The following SLFN5 variants were observed in gnomAD, a reference collection of about 807,000 sequenced individuals.
SLFN5 encodes schlafen family member 5.
Under a neutral mutation model 48.5 loss-of-function variants are expected in SLFN5, and 34 were observed. The observed-to-expected ratio is 0.70, with a 90% confidence interval of 0.53 to 0.93. SLFN5 has a LOEUF of 0.93. Ranked by LOEUF, SLFN5 falls within the 40% of genes least tolerant of loss-of-function variation. The pLI, the probability that SLFN5 is intolerant of heterozygous loss-of-function variation, is 0.00. For synonymous variants in SLFN5, 387 were observed against 396.2 expected (o/e 0.98, Z 0.28); for missense variants, 1,006 against 1,071.3 (o/e 0.94, Z 0.85).
rs1461687097 is a variant in SLFN5, at chr17:35,265,064, T to G, written c.1860-8T>G. 6.2e-7 allele frequency: 1 copy of G among 1,601,834 alleles called. No homozygotes were observed. The highest frequency in any genetic ancestry group is 2.2e-5 in the East Asian group (1 of 44,838). On this transcript the variant is annotated splice_polypyrimidine_tract_variant and splice_region_variant and intron_variant, in intron 4 of 4. Transcript: ENST00000299977. The stretch of plus-strand genomic sequence containing the variant: ...CATTGGGGAAAAACCTGACTCTGTT[T>G]CTTACAGTTTCAGCAAGAAAAACAT...
At chr17:35,253,712 TTTTG>T (rs2092448280) in intron 1 of SLFN5, among the ~76,000 whole-genome samples, 1 of 100,288 alleles carries the variant, frequency 1.0e-5, no homozygotes, top group African/African-American at 3.4e-5. Flanking sequence ...TTTTTTTTTT[TTTTG>T]AGATGGAGTC....
At position 35,271,055 on chromosome 17, in the gene SLFN5, T is replaced by A. The variant is rs1904818841; in HGVS notation, c.*5167T>A. 6.6e-6 allele frequency: 1 copy of A among 152,208 alleles called. No individual in the cohort carries two copies. The highest frequency in any genetic ancestry group is 2.4e-5 in the African/African-American group (1 of 41,462). 9.4% of individuals were successfully genotyped at this position (152,208 alleles called of 1,614,324 possible). ...ACTATTTCACTAGCAAGGGTAGACG[T>A]AAGCAGAATACAGGTAGCATATTCA... On this transcript the variant is annotated 3_prime_UTR_variant, in exon 5 of 5. Transcript: ENST00000299977.
chr17:35,258,171 A>G (rs1455954979), intron 1 of SLFN5, among the ~76,000 whole-genome samples: 1 of 152,188 alleles, frequency 6.6e-6, no homozygotes, highest in Non-Finnish European at 1.5e-5. Context: ...TCTGACCTCA[A>G]GCTATGTGGG....
Position 35,261,171 on chromosome 17 carries a change from T to G in SLFN5, c.1138+75T>G. The G allele has an allele frequency of 2.0e-6, 3 of 1,518,014 alleles. No individual in the cohort carries two copies. The East Asian group carries it at 6.9e-5, about 35-fold the overall frequency. The allele number at this position is 1,518,014 out of a possible 1,614,324, so 94.0% of individuals were successfully genotyped here. A position where few individuals can be genotyped will look rare whatever the true frequency, so the allele number is the denominator to read the frequency against. Reference sequence around the variant, plus strand: ...ATAAAAAATTGACTCCTACTTTATATTATATACAGAATCAATTCCAGAGGT... The same window carrying G: ...ATAAAAAATTGACTCCTACTTTATAGTATATACAGAATCAATTCCAGAGGT... On this transcript the variant is annotated intron_variant, in intron 3 of 4. Coordinates refer to ENST00000299977, the MANE Select transcript of SLFN5 (RefSeq NM_144975.4).
rs370813422 is a variant in SLFN5, at chr17:35,266,129, G to T, written c.*241G>T. ...AAGGGATATCAGTAATTAGAGGACC[G>T]TGAGACTCAGAGATGTGTGTGTGTG... On this transcript the variant is annotated 3_prime_UTR_variant, in exon 5 of 5. Transcript: ENST00000299977. 2.9e-5 allele frequency: 14 copies of T among 481,508 alleles called. No homozygotes were observed. Among genetic ancestry groups the T allele is most frequent in the African/African-American group, 2.6e-4 (13 of 50,900 alleles). 29.8% of individuals were successfully genotyped at this position (481,508 alleles called of 1,614,324 possible). A position where few individuals can be genotyped will look rare whatever the true frequency, so the allele number is the denominator to read the frequency against.
intron 1 of SLFN5, among the ~76,000 whole-genome samples, chr17:35,254,448 C>T (rs1421323491): frequency 6.6e-6 from 1 of 152,164 alleles, no homozygotes; most frequent in Admixed American, 6.5e-5. Context: ...TTCCTGCATC[C>T]ACTTTTTTGA....
At position 35,243,084 on chromosome 17, in the gene SLFN5, C is replaced by T. The variant is rs1044900020; in HGVS notation, c.-100C>T. 10 of 152,298 alleles carry T rather than the reference C, an allele frequency of 6.6e-5. No homozygotes were observed. The highest frequency in any genetic ancestry group is 2.4e-4 in the African/African-American group (10 of 41,470). 9.4% of individuals were successfully genotyped at this position (152,298 alleles called of 1,614,324 possible). A position where few individuals can be genotyped will look rare whatever the true frequency, so the allele number is the denominator to read the frequency against. ...GCCGGGTCAGGTTCTCTGCTCTGGA[C>T]TTGGGAGGCTCCGTTGCCTGCTCCC... is the stretch of plus-strand genomic sequence containing the variant. On this transcript the variant is annotated 5_prime_UTR_variant, in exon 1 of 5. Coordinates refer to ENST00000299977, the MANE Select transcript of SLFN5 (RefSeq NM_144975.4).
At chr17:35,251,652 C>T (rs758288847) in intron 1 of SLFN5, among the ~76,000 whole-genome samples, 18 of 151,324 alleles carry the variant, frequency 1.2e-4, no homozygotes, top group Non-Finnish European at 2.4e-4. Context: ...GATCTGCCAG[C>T]CTCGGCCTCC....
At chr17:35,254,622 A>G (rs970737374) in intron 1 of SLFN5, among the ~76,000 whole-genome samples, 5 of 152,236 alleles carry the variant, frequency 3.3e-5, no homozygotes, top group Non-Finnish European at 5.9e-5. Flanking sequence ...AGCAATGCCC[A>G]GCATCCATTA....
rs571728788 is a variant in SLFN5, at chr17:35,267,991, A to G, written c.*2103A>G. 2.6e-5 allele frequency: 4 copies of G among 152,316 alleles called. No individual in the cohort carries two copies. In the East Asian group the frequency reaches 7.7e-4, roughly 29 times the overall value. 9.4% of individuals were successfully genotyped at this position (152,316 alleles called of 1,614,324 possible). ...CAGGAGGGATTTTCCAGGATTTCAC[A>G]TGAATTCAATGAAGGGGGCTGTGTC... On this transcript the variant is annotated 3_prime_UTR_variant, in exon 5 of 5. Coordinates refer to ENST00000299977, the MANE Select transcript of SLFN5 (RefSeq NM_144975.4).
intron 1 of SLFN5, among the ~76,000 whole-genome samples, chr17:35,246,408 T>C (rs1484818294): frequency 6.6e-6 from 1 of 152,160 alleles, no homozygotes; most frequent in Non-Finnish European, 1.5e-5. Flanking sequence ...ATCACCTAGG[T>C]ATTAAGCCCA....
chr17:35,265,988 T>A lies in SLFN5; in HGVS notation c.*100T>A. 1 of 1,278,840 alleles carries A rather than the reference T, an allele frequency of 7.8e-7. No homozygotes were observed. The highest frequency in any genetic ancestry group is 1.5e-5 in the South Asian group (1 of 65,290). 79.2% of individuals were successfully genotyped at this position (1,278,840 alleles called of 1,614,324 possible). On this transcript the variant is annotated 3_prime_UTR_variant, in exon 5 of 5. Coordinates refer to ENST00000299977, the MANE Select transcript of SLFN5 (RefSeq NM_144975.4). ...TGTAAGCACACACTCACTTATTAAG[T>A]CACATACTTTTCTAGGTGCTGGGGA...
intron 1 of SLFN5, among the ~76,000 whole-genome samples, chr17:35,243,383 G>A (rs1445480548): frequency 1.3e-5 from 2 of 152,250 alleles, no homozygotes; most frequent in African/African-American, 4.8e-5. Flanking sequence ...CGCGGGGCGA[G>A]CTGGGGAGGA....
rs564017363 is a variant in SLFN5, at chr17:35,266,819, A to C, written c.*931A>C. 1 of 152,370 alleles carries C rather than the reference A, an allele frequency of 6.6e-6. No homozygotes were observed. Among genetic ancestry groups the C allele is most frequent in the East Asian group, 1.9e-4 (1 of 5,194 alleles). The allele number at this position is 152,370 out of a possible 1,614,324, so 9.4% of individuals were successfully genotyped here. On this transcript the variant is annotated 3_prime_UTR_variant, in exon 5 of 5. Coordinates refer to ENST00000299977, the MANE Select transcript of SLFN5 (RefSeq NM_144975.4). ...CTGCTGAGTCTTCAGGATGTTAGCTAGTCTTTCAAAAGCCATTGCTACAAA... is the reference window on the plus strand; with the variant it reads ...CTGCTGAGTCTTCAGGATGTTAGCTCGTCTTTCAAAAGCCATTGCTACAAA...
At chr17:35,261,528 C>A (rs1341868779) in intron 3 of SLFN5, among the ~76,000 whole-genome samples, 2 of 152,052 alleles carry the variant, frequency 1.3e-5, no homozygotes, top group African/African-American at 4.8e-5. Flanking sequence ...CTCTACTATG[C>A]CAGGCTAATT....
chr17:35,265,162 C>T lies in SLFN5; in HGVS notation c.1950C>T (p.Asp650=), dbSNP rs375910998. Residue 650 remains aspartate (D), a synonymous_variant, in exon 5 of 5, where the codon GAC becomes GAT. Coordinates refer to ENST00000299977, the MANE Select transcript of SLFN5 (RefSeq NM_144975.4). ...FEHIQHIIID[D]AQNFRTEDGD... is the part of the protein sequence containing the mutation. ...ACATCCAGCACATTATCATTGATGACGCTCAGAATTTCCGTACTGAAGATG... is the reference window on the plus strand; with the variant it reads ...ACATCCAGCACATTATCATTGATGATGCTCAGAATTTCCGTACTGAAGATG... 6.8e-5 allele frequency: 110 copies of T among 1,614,154 alleles called. No homozygotes were observed. The Middle Eastern group carries it at 1.8e-3, about 27-fold the overall frequency.
In SLFN5 at chr17:35,269,685, T is replaced by C. The variant is rs958833378; in HGVS notation, c.*3797T>C. 6.6e-6 allele frequency: 1 copy of C among 152,194 alleles called. No homozygotes were observed. 9.4% of individuals were successfully genotyped at this position (152,194 alleles called of 1,614,324 possible). Reference sequence around the variant, plus strand: ...AATTACAGTGAGAGAGTTGCACTTATTTAGTTTGCATACCGTACTCAACTC... The same window carrying C: ...AATTACAGTGAGAGAGTTGCACTTACTTAGTTTGCATACCGTACTCAACTC... On this transcript the variant is annotated 3_prime_UTR_variant, in exon 5 of 5. Transcript: ENST00000299977.
rs3803859 is a variant in SLFN5, at chr17:35,266,360, C to G, written c.*472C>G. 68,059 of 152,374 alleles carry G rather than the reference C, an allele frequency of 0.45. 16,927 individuals carry two copies. Among genetic ancestry groups the G allele is most frequent in the Non-Finnish European group, 0.57 (39,061 of 68,406 alleles). 9.4% of individuals were successfully genotyped at this position (152,374 alleles called of 1,614,324 possible). A position where few individuals can be genotyped will look rare whatever the true frequency, so the allele number is the denominator to read the frequency against. ...AGAAGAGCTTGAATGGGACGTGCAG[C>G]GAGAATGTGAAGGATGGAGCAGGTA... On this transcript the variant is annotated 3_prime_UTR_variant, in exon 5 of 5. Coordinates refer to ENST00000299977, the MANE Select transcript of SLFN5 (RefSeq NM_144975.4).
At chr17:35,256,096 C>T (rs921557258) in intron 1 of SLFN5, among the ~76,000 whole-genome samples, 34 of 152,186 alleles carry the variant, frequency 2.2e-4, no homozygotes, top group Admixed American at 1.7e-3. Flanking sequence ...CGGTGGCTTA[C>T]GCCTGTAATG....
Sources: gnomAD v4.1 joint callset for allele counts (sites outside exome capture counted in the v4.1 genomes callset) on GRCh38, gnomAD v4.1.1 for gene constraint, MANE v1.5 for transcripts, NCBI Gene and HGNC (gene_info 2026-07-23, HGNC 2026-07-21) for gene names.